RPS29: variants seen among roughly 807,000 people sequenced by gnomAD.
RPS29 encodes small ribosomal subunit protein uS14.
For missense variants in RPS29, 60 were observed against 75.7 expected (o/e 0.79, Z 0.77); for synonymous variants, 37 against 26.9 (o/e 1.37, Z -1.16).
upstream of RPS29, among the ~76,000 whole-genome samples, chr14:49,587,802 C>T (rs995128563): frequency 1.3e-5 from 2 of 152,166 alleles, no homozygotes; most frequent in African/African-American, 4.8e-5. Context: ...AATTCCAGTT[C>T]GAGGTACATT....
intron 2 of RPS29, 83 bp downstream of exon 2, chr14:49,585,867 C>G (rs1327922825): frequency 8.6e-6 from 9 of 1,044,376 alleles, no homozygotes; most frequent in East Asian, 4.8e-5. Flanking sequence ...CAGGGAAGAT[C>G]TGTCCGTTTG....
chr14:49,597,016 G>A (rs1023669832), intron 1 of RPS29, among the ~76,000 whole-genome samples: 10 of 150,230 alleles, frequency 6.7e-5, no homozygotes, highest in Admixed American at 2.0e-4. Flanking sequence ...CCAGGTTCAA[G>A]CGATTCTCCT....
At chr14:49,588,477 A>G (rs1174410030), upstream of RPS29, among the ~76,000 whole-genome samples, 1 of 152,202 alleles carries the variant, frequency 6.6e-6, no homozygotes, top group Non-Finnish European at 1.5e-5. Context: ...CACAGCTTTA[A>G]AAGTTCATTT....
At chr14:49,586,845 T>C (rs756641645), upstream of RPS29, 41 of 167,766 alleles carry the variant, frequency 2.4e-4, no homozygotes, top group African/African-American at 9.5e-4. Flanking sequence ...GCCACTGCAC[T>C]CCAGCCTGGG....
chr14:49,586,656 T>G (rs1405365406), upstream of RPS29: 7 of 404,236 alleles, frequency 1.7e-5, no homozygotes, highest in East Asian at 2.0e-4. Flanking sequence ...AGTCCAGGAG[T>G]TCTGGGCTGT....
chr14:49,577,637 T>G (rs1881220381), exon 3 of RPS29: 1 of 716,684 alleles, frequency 1.4e-6, no homozygotes, highest in African/African-American at 1.7e-5. Flanking sequence ...ATGTTGGGCA[T>G]AGATCTGGCC....
chr14:49,585,568 G>A (rs539036470), intron 2 of RPS29: 35 of 308,830 alleles, frequency 1.1e-4, no homozygotes, highest in Non-Finnish European at 1.6e-4. Context: ...GGGCGACAGA[G>A]GGAGACCCTA....
intron 1 of RPS29, among the ~76,000 whole-genome samples, chr14:49,592,581 G>A (rs1881738110): frequency 6.6e-6 from 1 of 151,382 alleles, no homozygotes; most frequent in African/African-American, 2.4e-5. Context: ...TGGTCAGGCT[G>A]GTCTTGAACC....
At chr14:49,582,667 T>C (rs993474115), downstream of RPS29, among the ~76,000 whole-genome samples, 3 of 152,232 alleles carry the variant, frequency 2.0e-5, no homozygotes, top group East Asian at 1.9e-4. Flanking sequence ...CTTTCCAAAC[T>C]TGGATTGCGT....
intron 2 of RPS29, among the ~76,000 whole-genome samples, chr14:49,578,559 C>CTTTTTCTTTTT (rs1881249141): frequency 9.7e-6 from 1 of 103,466 alleles, no homozygotes; most frequent in African/African-American, 3.8e-5. Flanking sequence ...AAAGCTTTCA[C>CTTTTTCTTTTT]TTTTTTTTTT....
chr14:49,583,193 G>A (rs1055804204), downstream of RPS29, among the ~76,000 whole-genome samples: 2 of 152,068 alleles, frequency 1.3e-5, no homozygotes, highest in Admixed American at 1.3e-4. Context: ...ATGATTTTAT[G>A]TTAACTCAGA....
intron 1 of RPS29, among the ~76,000 whole-genome samples, chr14:49,596,718 T>C (rs941144309): frequency 6.6e-6 from 1 of 152,058 alleles, no homozygotes; most frequent in Middle Eastern, 3.4e-3. Flanking sequence ...ATTTAATTAC[T>C]GAATCCATGC....
downstream of RPS29, among the ~76,000 whole-genome samples, chr14:49,581,633 C>T (rs891700713): frequency 2.0e-5 from 3 of 152,254 alleles, no homozygotes; most frequent in African/African-American, 7.2e-5. Context: ...CCCGCCTAGG[C>T]CTCCCCAAGT....
exon 3 of RPS29, chr14:49,577,279 C>T (rs1448135873): frequency 6.4e-6 from 1 of 156,692 alleles, no homozygotes; most frequent in Non-Finnish European, 1.4e-5. Context: ...CTGTTGGGGG[C>T]ATTAGCCACA....
At chr14:49,584,299 T>C (rs1420915273) in intron 2 of RPS29, among the ~76,000 whole-genome samples, 1 of 152,236 alleles carries the variant, frequency 6.6e-6, no homozygotes, top group African/African-American at 2.4e-5. Flanking sequence ...GACACAGAGC[T>C]AGGGCGTGGG....
exon 1 of RPS29, chr14:49,598,627 G>A (rs542085969): frequency 1.0e-5 from 7 of 701,264 alleles, no homozygotes; most frequent in African/African-American, 8.7e-5. Context: ...GGAAACAGCG[G>A]CCCGACGTGC....
exon 3 of RPS29, chr14:49,576,972 T>C (rs186300638): frequency 6.6e-6 from 1 of 152,374 alleles, no homozygotes; most frequent in East Asian, 1.9e-4. Context: ...GAAAATGAAC[T>C]AATACAAGCC....
chr14:49,582,453 G>A (rs1881367774), downstream of RPS29, among the ~76,000 whole-genome samples: 1 of 152,146 alleles, frequency 6.6e-6, no homozygotes, highest in Admixed American at 6.5e-5. Flanking sequence ...CCAAATTTAA[G>A]TATGGCTTTC....
exon 3 of RPS29, chr14:49,572,796 T>C (rs1881085395): frequency 1.3e-5 from 2 of 152,178 alleles, no homozygotes; most frequent in African/African-American, 4.8e-5. Flanking sequence ...TGGCCTGGCA[T>C]GGTGGCTCAC....
Sources: gnomAD v4.1 joint callset for allele counts (sites outside exome capture counted in the v4.1 genomes callset) on GRCh38, gnomAD v4.1.1 for gene constraint, MANE v1.5 for transcripts, NCBI Gene and HGNC (gene_info 2026-07-23, HGNC 2026-07-21) for gene names.